Variants in ZNF680 observed in about 807,000 individuals in gnomAD.
ZNF680 encodes the protein zinc finger protein 680, also known as hypothetical protein FLJ90430.
ZNF680 carries 6 observed loss-of-function variants against 12.1 expected under a neutral mutation model. The ratio of observed to expected loss-of-function variants is 0.49; its 90% CI spans 0.27 to 0.98. The LOEUF is 0.98. ZNF680 is among the 50% of genes least tolerant of loss of function. ZNF680 has a pLI of 0.12. For synonymous variants in ZNF680, 170 were observed against 199.3 expected (o/e 0.85, Z 1.24); for missense variants, 561 against 616.3 (o/e 0.91, Z 0.95).
At chr7:64,511,817 G>C in the ZNF680 span, among the ~76,000 whole-genome samples, 1 of 152,134 alleles carries the variant, frequency 6.6e-6, no homozygotes, top group African/African-American at 2.4e-5. Context: ...CCAGCACTTT[G>C]GGAGGCCAAG....
chr7:64,514,528 A>G, the ZNF680 span, among the ~76,000 whole-genome samples: 1 of 152,180 alleles, frequency 6.6e-6, no homozygotes, highest in South Asian at 2.1e-4. Flanking sequence ...TTCTCATAAC[A>G]AAACAAAACT....
intron 3 of ZNF680, among the ~76,000 whole-genome samples, chr7:64,523,225 G>A (rs1389162532): frequency 2.0e-5 from 3 of 151,878 alleles, no homozygotes; most frequent in East Asian, 1.9e-4. Context: ...AACATAAAAC[G>A]AAATAATTAG....
At position 64,526,831 on chromosome 7, in the gene ZNF680, G is replaced by A. The variant is rs74454370; in HGVS notation, c.254-4331C>T. On this transcript the variant is annotated intron_variant, in intron 3 of 3. Coordinates refer to ENST00000309683, the MANE Select transcript of ZNF680 (RefSeq NM_178558.5). Reference sequence around the variant, plus strand: ...AGTTGTTATGAAATTAAAATATATTGTTTTAACTTTAAGATGTTTTATGTA... The same window carrying A: ...AGTTGTTATGAAATTAAAATATATTATTTTAACTTTAAGATGTTTTATGTA... Among the ~76,000 whole-genome samples, 4,667 of 152,246 alleles carry A rather than the reference G, an allele frequency of 0.031. 357 individuals carry two copies. In the East Asian group the frequency reaches 0.32, roughly 11 times the overall value.
the ZNF680 span, among the ~76,000 whole-genome samples, chr7:64,500,013 G>A: frequency 6.6e-6 from 1 of 152,186 alleles, no homozygotes; most frequent in South Asian, 2.1e-4. Context: ...CACAGAAGCA[G>A]TCCAAGCCTC....
the ZNF680 span, among the ~76,000 whole-genome samples, chr7:64,504,016 A>G: frequency 6.6e-6 from 1 of 152,210 alleles, no homozygotes; most frequent in Non-Finnish European, 1.5e-5. Flanking sequence ...TTTTATTTCT[A>G]TTGAGCTCGG....
chr7:64,555,787 TAAGAG>T (rs1787381908), intron 1 of ZNF680, among the ~76,000 whole-genome samples: 1 of 149,350 alleles, frequency 6.7e-6, no homozygotes, highest in Non-Finnish European at 1.5e-5. Context: ...AATAAAGAAA[TAAGAG>T]AAGGTCCAAA....
intron 3 of ZNF680, among the ~76,000 whole-genome samples, chr7:64,530,790 G>A (rs1193833318): frequency 2.0e-5 from 3 of 151,586 alleles, no homozygotes; most frequent in Admixed American, 6.6e-5. Flanking sequence ...CCCAGGAGGC[G>A]GAGGTTGCAG....
chr7:64,543,120 A>AT (rs900940648), intron 3 of ZNF680, among the ~76,000 whole-genome samples: 8 of 152,190 alleles, frequency 5.3e-5, no homozygotes, highest in African/African-American at 1.9e-4. Context: ...TTCCAGTGGC[A>AT]TTTTTTTACA....
rs766819322 is a variant in ZNF680 at position 64,522,333 on chromosome 7, C to T, written c.421G>A (p.Glu141Lys). 1.2e-6 allele frequency: 2 copies of T among 1,612,862 alleles called. No individual in the cohort carries two copies. The highest frequency in any genetic ancestry group is 1.7e-6 in the Non-Finnish European group (2 of 1,179,376). ...GTAGTTCTCAAACATTGGTTAAGTT[C>T]ATTATAACCTTCTTTGAACACCTTA... Reference protein sequence around the residue: ...ESKVFKEGYNELNQCLRTTQS... With the variant: ...ESKVFKEGYNKLNQCLRTTQS... The change falls in exon 4 of 4, where the codon GAA becomes AAA. Residue 141 changes from glutamate to lysine, a missense_variant. Physicochemically the swap from Glu to Lys is moderately conservative, Grantham distance 56. Coordinates refer to ENST00000309683, the MANE Select transcript of ZNF680 (RefSeq NM_178558.5).
chr7:64,506,083 C>A, the ZNF680 span, among the ~76,000 whole-genome samples: 1 of 151,928 alleles, frequency 6.6e-6, no homozygotes, highest in African/African-American at 2.4e-5. Context: ...AGTTTTTTTA[C>A]ACTCAAGAGG....
At chr7:64,555,100 CAG>C (rs1787336487) in intron 1 of ZNF680, among the ~76,000 whole-genome samples, 1 of 152,326 alleles carries the variant, frequency 6.6e-6, no homozygotes, top group East Asian at 1.9e-4. Context: ...CAACACCCCA[CAG>C]ACCCTGTTAG....
rs531090914 is a variant in ZNF680, at chr7:64,521,384, G to A, written c.1370C>T (p.Thr457Ile). 51 of 1,613,628 alleles carry A rather than the reference G, an allele frequency of 3.2e-5. No individual in the cohort carries two copies. The South Asian group carries it at 5.5e-4, about 17-fold the overall frequency. The change falls in exon 4 of 4, where the codon ACT (threonine) becomes ATT (isoleucine). Residue 457 changes from threonine (T) to isoleucine (I), a missense_variant. By Grantham distance (89) the Thr-to-Ile change is moderately conservative. Transcript: ENST00000309683. ...STLTNHKVIHTGEKSYKCDEC... is the reference protein window; with the variant it reads ...STLTNHKVIHIGEKSYKCDEC... ...ATCACATTTGTAGGATTTCTCTCCAGTATGAATTACTTTATGGTTAGTAAG... is the reference window on the plus strand; with the variant it reads ...ATCACATTTGTAGGATTTCTCTCCAATATGAATTACTTTATGGTTAGTAAG...
At chr7:64,544,181 GA>G (rs1786655836) in intron 2 of ZNF680, 124 bp downstream of exon 2, 1 of 1,391,408 alleles carries the variant, frequency 7.2e-7, no homozygotes, top group African/African-American at 1.5e-5. Flanking sequence ...AAAGCTCAAA[GA>G]TTTTCTTGAA....
intron 1 of ZNF680, among the ~76,000 whole-genome samples, chr7:64,557,170 G>C (rs557758765): frequency 4.4e-4 from 67 of 152,078 alleles, no homozygotes; most frequent in African/African-American, 1.5e-3. Flanking sequence ...AGAATGGCAT[G>C]AACCTGGGAG....
At chr7:64,534,531 G>A (rs903882033) in intron 3 of ZNF680, among the ~76,000 whole-genome samples, 3 of 152,094 alleles carry the variant, frequency 2.0e-5, no homozygotes, top group African/African-American at 4.8e-5. Flanking sequence ...GCACAGATGC[G>A]GTGATCAGGG....
Position 64,543,762 on chromosome 7 carries a change from C to G in ZNF680, c.198G>C (p.Glu66Asp), listed in dbSNP as rs1786631972. The G allele has an allele frequency of 6.2e-7, 1 of 1,613,636 alleles. No homozygotes were observed. The highest frequency in any genetic ancestry group is 1.1e-5 in the South Asian group (1 of 91,042). Residue 66 changes from glutamate to aspartate, a missense_variant, in exon 3 of 4, where the codon GAG (glutamate) becomes GAC (aspartate). Coordinates refer to ENST00000309683, the MANE Select transcript of ZNF680 (RefSeq NM_178558.5). The stretch of plus-strand genomic sequence containing the variant: ...TCCTATTCCAGGGCTCTTTTCCTTG[C>G]TCCAAACAGGTTATCAGGTGAGGCT... ...VSKPHLITCL[E>D]QGKEPWNRKR...
chr7:64,530,157 A>C (rs1467124765), intron 3 of ZNF680, among the ~76,000 whole-genome samples: 1 of 152,236 alleles, frequency 6.6e-6, no homozygotes, highest in African/African-American at 2.4e-5. Context: ...AAGAGCTCTA[A>C]ATCTTGAAAC....
chr7:64,563,063 G>C lies in ZNF680; in HGVS notation c.-109C>G. On this transcript the variant is annotated 5_prime_UTR_variant, in exon 1 of 4. Transcript: ENST00000309683. The stretch of plus-strand genomic sequence containing the variant: ...GACTAGACCTGGAGCTCCCGCAGCA[G>C]CTAGAGACAAAGGCCCCGCCAAATC... 1 of 1,332,168 alleles carries C rather than the reference G, an allele frequency of 7.5e-7. No individual in the cohort carries two copies. Among genetic ancestry groups the C allele is most frequent in the Non-Finnish European group, 1.1e-6 (1 of 941,458 alleles). The allele number at this position is 1,332,168 out of a possible 1,614,324, so 82.5% of individuals were successfully genotyped here.
Position 64,521,620 on chromosome 7 carries a change from G to T in ZNF680, c.1134C>A (p.Tyr378Ter), listed in dbSNP as rs1221850991. 1 of 1,612,338 alleles carries T rather than the reference G, an allele frequency of 6.2e-7. No individual in the cohort carries two copies. Among genetic ancestry groups the T allele is most frequent in the South Asian group, 1.1e-5 (1 of 91,018 alleles). The change falls in exon 4 of 4, where the codon TAC (tyrosine) becomes TAA (stop). Residue 378 changes from tyrosine to a stop codon, truncating the protein, a stop_gained. Coordinates refer to ENST00000309683, the MANE Select transcript of ZNF680 (RefSeq NM_178558.5). LOFTEE classifies it low-confidence loss of function (END_TRUNC). ...AAGCTTTGCCGCATTCTTCACATTT[G>T]TAGGATTTCTCTCCAGTATGAATTT... ...HKKIHTGEKS[Y>*]KCEECGKAFI... is the part of the protein sequence containing the mutation.
Sources: allele counts gnomAD v4.1 joint callset (sites outside exome capture counted in the v4.1 genomes callset), GRCh38; gene constraint gnomAD v4.1.1; transcripts MANE v1.5; gene names NCBI Gene and HGNC (gene_info 2026-07-23, HGNC 2026-07-21).